The following ASAP2 variants were observed in gnomAD, a reference collection of about 807,000 sequenced individuals.
The protein encoded by ASAP2 is arf-GAP with SH3 domain, ANK repeat and PH domain-containing protein 2.
In ASAP2, 45 loss-of-function variants were observed where a neutral mutation model predicts 131.4. That is an observed-to-expected ratio of 0.34 (90% CI 0.27 to 0.44). ASAP2 has a LOEUF of 0.44. Among genes scored for constraint, ASAP2 ranks in the 20% least tolerant of loss-of-function variants. The pLI is 1.00. For missense variants in ASAP2, 1,011 were observed against 1,297.0 expected (o/e 0.78, Z 3.39); for synonymous variants, 510 against 503.0 (o/e 1.01, Z -0.19).
chr2:9,269,108 C>T (rs1666157487), intron 1 of ASAP2, among the ~76,000 whole-genome samples: 1 of 151,936 alleles, frequency 6.6e-6, no homozygotes, highest in South Asian at 2.1e-4. Flanking sequence ...TGGCGGGCCT[C>T]AAGGCGGTAT....
At position 9,344,654 on chromosome 2, in the gene ASAP2, C is replaced by T. The variant is rs751021676; in HGVS notation, c.953+19C>T. On this transcript the variant is annotated intron_variant, in intron 10 of 27. Transcript: ENST00000281419. ...GTGACGGGTACGTGAGGGGGTGTGG[C>T]TAGAGTTTAAATGTACGTTCGTTAT... 6.2e-7 allele frequency: 1 copy of T among 1,612,960 alleles called. No individual in the cohort carries two copies. Among genetic ancestry groups the T allele is most frequent in the Non-Finnish European group, 8.5e-7 (1 of 1,179,072 alleles).
At chr2:9,254,191 A>G in intron 1 of ASAP2, among the ~76,000 whole-genome samples, 1 of 120,436 alleles carries the variant, frequency 8.3e-6, no homozygotes, top group Non-Finnish European at 1.7e-5. Context: ...AGCCTGGGGA[A>G]CAGAGGGAGA....
chr2:9,244,592 C>G (rs1373888111), intron 1 of ASAP2, among the ~76,000 whole-genome samples: 1 of 152,170 alleles, frequency 6.6e-6, no homozygotes, highest in African/African-American at 2.4e-5. Context: ...AAACTTAGTT[C>G]AGAAGCACTT....
chr2:9,324,942 A>T (rs1670386401), intron 6 of ASAP2, among the ~76,000 whole-genome samples: 1 of 152,040 alleles, frequency 6.6e-6, no homozygotes, highest in African/African-American at 2.4e-5. Flanking sequence ...GATTGGATTT[A>T]CTTCTGTTAT....
chr2:9,217,345 A>T lies in ASAP2; in HGVS notation c.126+10115A>T, dbSNP rs1479271910. On this transcript the variant is annotated intron_variant, in intron 1 of 27. Transcript: ENST00000281419. The surrounding 1 kb of genome is among the most constrained non-coding windows in gnomAD (Gnocchi z 4.0). ...TTCCTCTCCTCACTGCTCTGCTGAC[A>T]TGCCCAGCCCCACGGAGCAGAGTGG... Among the ~76,000 whole-genome samples, 1 of 152,166 alleles carries T rather than the reference A, an allele frequency of 6.6e-6. No homozygotes were observed. Among genetic ancestry groups the T allele is most frequent in the African/African-American group, 2.4e-5 (1 of 41,430 alleles).
chr2:9,345,789 A>G (rs527872740), intron 11 of ASAP2, among the ~76,000 whole-genome samples: 1 of 152,248 alleles, frequency 6.6e-6, no homozygotes, highest in South Asian at 2.1e-4. Context: ...TCTGGCCCCT[A>G]TAGAAATGTC....
intron 1 of ASAP2, among the ~76,000 whole-genome samples, chr2:9,233,294 G>A (rs1663295060): frequency 6.6e-6 from 1 of 152,158 alleles, no homozygotes; most frequent in East Asian, 1.9e-4. Context: ...ACTATGTTGA[G>A]GTCTCCAGAA....
intron 7 of ASAP2, among the ~76,000 whole-genome samples, chr2:9,328,222 C>A (rs973559350): frequency 6.6e-6 from 1 of 151,996 alleles, no homozygotes; most frequent in Non-Finnish European, 1.5e-5. Context: ...TGGCTGCTAA[C>A]GGGTATAGGG....
chr2:9,234,956 G>A (rs969867737), intron 1 of ASAP2, among the ~76,000 whole-genome samples: 2 of 152,134 alleles, frequency 1.3e-5, no homozygotes, highest in Non-Finnish European at 2.9e-5. Flanking sequence ...GAAGTGATAA[G>A]AGAGGAATTT....
chr2:9,313,151 A>T (rs1669417853), intron 3 of ASAP2, among the ~76,000 whole-genome samples: 1 of 152,204 alleles, frequency 6.6e-6, no homozygotes, highest in African/African-American at 2.4e-5. Flanking sequence ...GGTCACACTC[A>T]CTGCTGAAAT....
chr2:9,363,998 T>A (rs183308457), intron 15 of ASAP2, among the ~76,000 whole-genome samples: 168 of 152,336 alleles, frequency 1.1e-3, no homozygotes, highest in Non-Finnish European at 1.9e-3. Flanking sequence ...AAAGCAAACC[T>A]ACTTTGGGAA....
chr2:9,293,765 C>T (rs1457910036), intron 2 of ASAP2, among the ~76,000 whole-genome samples: 1 of 152,060 alleles, frequency 6.6e-6, no homozygotes, highest in Non-Finnish European at 1.5e-5. Context: ...AGTTCATTTG[C>T]AGGATGAAAA....
chr2:9,299,110 A>C (rs1433996735), intron 3 of ASAP2, among the ~76,000 whole-genome samples: 3 of 152,188 alleles, frequency 2.0e-5, no homozygotes, highest in Non-Finnish European at 4.4e-5. Flanking sequence ...TTTTAGAAAG[A>C]GAGAAGGTTG....
At chr2:9,306,365 CG>C (rs1277608295) in intron 3 of ASAP2, among the ~76,000 whole-genome samples, 1 of 151,680 alleles carries the variant, frequency 6.6e-6, no homozygotes, top group African/African-American at 2.4e-5. Context: ...GAAGAGCAGC[CG>C]TGTCGGCTTG....
chr2:9,332,527 C>T (rs1364591136), intron 7 of ASAP2, among the ~76,000 whole-genome samples: 1 of 152,220 alleles, frequency 6.6e-6, no homozygotes, highest in Non-Finnish European at 1.5e-5. Flanking sequence ...CACCATTCAT[C>T]GTCATGCTGG....
At chr2:9,388,974 T>C (rs1285417008) in intron 22 of ASAP2, among the ~76,000 whole-genome samples, 1 of 152,196 alleles carries the variant, frequency 6.6e-6, no homozygotes, top group African/African-American at 2.4e-5. Flanking sequence ...CGATTACTTC[T>C]TACCCATGAT....
At chr2:9,387,247 GA>G (rs1394155287) in intron 21 of ASAP2, among the ~76,000 whole-genome samples, 1 of 148,454 alleles carries the variant, frequency 6.7e-6, no homozygotes, top group African/African-American at 2.6e-5. Context: ...CTTCAGGGGG[GA>G]GCAGGGGTGG....
chr2:9,215,454 T>C (rs536694346), intron 1 of ASAP2, among the ~76,000 whole-genome samples: 1 of 152,336 alleles, frequency 6.6e-6, no homozygotes, highest in African/African-American at 2.4e-5. Context: ...ATACGAGATA[T>C]TTCTAATAAA....
At chr2:9,396,906 G>A (rs1156492066) in intron 24 of ASAP2, among the ~76,000 whole-genome samples, 1 of 152,182 alleles carries the variant, frequency 6.6e-6, no homozygotes, top group Non-Finnish European at 1.5e-5. Flanking sequence ...GGAGGCAGAG[G>A]CAGGAGAATC....
Sources: gnomAD v4.1 joint callset for allele counts (sites outside exome capture counted in the v4.1 genomes callset) on GRCh38, gnomAD v4.1.1 for gene constraint, Gnocchi (gnomAD v3.1) non-coding constraint, MANE v1.5 for transcripts, NCBI Gene and HGNC (gene_info 2026-07-23, HGNC 2026-07-21) for gene names.